The following RORA variants were observed in gnomAD, a reference collection of about 807,000 sequenced individuals.
RORA encodes the protein nuclear receptor ROR-alpha.
Under a neutral mutation model 69.5 loss-of-function variants are expected in RORA, and 7 were observed. That is an observed-to-expected ratio of 0.10 (90% CI 0.06 to 0.19). RORA has a LOEUF of 0.19. RORA is among the 10% of genes least tolerant of loss of function. The pLI, the probability that RORA is intolerant of heterozygous loss-of-function variation, is 1.00. For synonymous variants in RORA, 261 were observed against 240.8 expected (o/e 1.08, Z -0.78); for missense variants, 457 against 663.0 (o/e 0.69, Z 3.41).
chr15:61,159,410 C>T (rs916574922), intron 1 of RORA, among the ~76,000 whole-genome samples: 37 of 152,128 alleles, frequency 2.4e-4, no homozygotes, highest in African/African-American at 8.2e-4. Flanking sequence ...GCTTGTCACC[C>T]ACAGCTAATC....
At chr15:60,858,106 G>C (rs974743760) in intron 1 of RORA, among the ~76,000 whole-genome samples, 12 of 152,224 alleles carry the variant, frequency 7.9e-5, no homozygotes, top group African/African-American at 2.9e-4. Flanking sequence ...GGTTATTGCA[G>C]GGCCTGTTGC....
intron 1 of RORA, among the ~76,000 whole-genome samples, chr15:60,877,979 C>T (rs2140443207): frequency 6.6e-6 from 1 of 152,042 alleles, no homozygotes; most frequent in Non-Finnish European, 1.5e-5. Flanking sequence ...ATTATACAAA[C>T]TATCCCACTG....
In RORA at chr15:60,939,780, T is replaced by G. The variant is rs189174601; in HGVS notation, c.167-261094A>C. On this transcript the variant is annotated intron_variant, in intron 1 of 10. Transcript: ENST00000335670. Reference sequence around the variant, plus strand: ...CTGTGCTAGCCCTGTACCCCTGCAATGTTTATGCACGGGACAGTGCCGTTC... The same window carrying G: ...CTGTGCTAGCCCTGTACCCCTGCAAGGTTTATGCACGGGACAGTGCCGTTC... 1.1e-3 allele frequency among the ~76,000 whole-genome samples: 171 copies of G among 152,364 alleles called. 2 individuals are homozygous for G. Among genetic ancestry groups the G allele is most frequent in the African/African-American group, 4.0e-3 (165 of 41,580 alleles).
chr15:60,571,246 G>T (rs193181272), intron 2 of RORA, among the ~76,000 whole-genome samples: 100 of 152,072 alleles, frequency 6.6e-4, no homozygotes, highest in African/African-American at 2.4e-3. Context: ...TCAGCATGAA[G>T]GGACACTGTT....
Position 61,061,966 on chromosome 15 carries a change from G to A in RORA, c.166+167087C>T, listed in dbSNP as rs984012028. On this transcript the variant is annotated intron_variant, in intron 1 of 10. Transcript: ENST00000335670. The surrounding 1 kb of genome is among the most constrained non-coding windows in gnomAD (Gnocchi z 4.4). ...TAATGCCAGCTACTTGGGAGGCTGA[G>A]GCAGGAGAATCCCTTGAACCTAGGA... Among the ~76,000 whole-genome samples, 4 of 152,174 alleles carry A rather than the reference G, an allele frequency of 2.6e-5. No homozygotes were observed. Among genetic ancestry groups the A allele is most frequent in the African/African-American group, 9.7e-5 (4 of 41,440 alleles).
chr15:60,639,317 A>T (rs555476313), intron 2 of RORA, among the ~76,000 whole-genome samples: 102 of 150,354 alleles, frequency 6.8e-4, no homozygotes, highest in Admixed American at 1.4e-3. Context: ...GAGATAGTCC[A>T]TTTCCCCCTT....
At chr15:61,125,999 T>G (rs2079139519) in intron 1 of RORA, among the ~76,000 whole-genome samples, 1 of 152,236 alleles carries the variant, frequency 6.6e-6, no homozygotes, top group South Asian at 2.1e-4. Context: ...TGTTGTGATC[T>G]TTTTGAAATC....
chr15:60,926,112 G>A (rs1892210276), intron 1 of RORA, among the ~76,000 whole-genome samples: 1 of 152,174 alleles, frequency 6.6e-6, no homozygotes, highest in Non-Finnish European at 1.5e-5. Flanking sequence ...ATCAGGGCCT[G>A]GAGATGGTAA....
Position 60,492,816 on chromosome 15 carries a change from C to T in RORA, c.*4639G>A, listed in dbSNP as rs2065067863. 1 of 152,102 alleles carries T rather than the reference C, an allele frequency of 6.6e-6. No homozygotes were observed. The highest frequency in any genetic ancestry group is 1.5e-5 in the Non-Finnish European group (1 of 67,998). 9.4% of individuals were successfully genotyped at this position (152,102 alleles called of 1,614,324 possible). A position where few individuals can be genotyped will look rare whatever the true frequency, so the allele number is the denominator to read the frequency against. On this transcript the variant is annotated 3_prime_UTR_variant, in exon 11 of 11. Coordinates refer to ENST00000335670, the MANE Select transcript of RORA (RefSeq NM_134261.3). ...TGAAACACAAGACTGACGAGCACAT[C>T]AAGTTCTAAACTCAACAAAATGAGA...
intron 2 of RORA, among the ~76,000 whole-genome samples, chr15:60,577,704 T>C (rs1250626337): frequency 6.6e-6 from 1 of 151,708 alleles, no homozygotes; most frequent in African/African-American, 2.4e-5. Flanking sequence ...ACATCAGTCA[T>C]TGCCATATTA....
chr15:61,169,319 T>C (rs1158081418), intron 1 of RORA, among the ~76,000 whole-genome samples: 2 of 151,674 alleles, frequency 1.3e-5, no homozygotes, highest in Non-Finnish European at 2.9e-5. Flanking sequence ...TGGCTTGACG[T>C]TGATGCTAAA....
chr15:60,515,927 T>A lies in RORA; in HGVS notation c.283-1170A>T, dbSNP rs1306753692. Among the ~76,000 whole-genome samples, 4 of 47,802 alleles carry A rather than the reference T, an allele frequency of 8.4e-5. 1 individual carries two copies. The highest frequency in any genetic ancestry group is 5.1e-4 in the African/African-American group (4 of 7,780). 31.4% of individuals were successfully genotyped at this position (47,802 alleles called of 152,430 possible). A position where few individuals can be genotyped will look rare whatever the true frequency, so the allele number is the denominator to read the frequency against. ...ATATATATTGTATTTATATATATAT[T>A]TATATATATATTTATATATATTTAT... On this transcript the variant is annotated intron_variant, in intron 3 of 10. Transcript: ENST00000335670.
At chr15:61,204,407 A>G (rs1053544029) in intron 1 of RORA, among the ~76,000 whole-genome samples, 2 of 152,240 alleles carry the variant, frequency 1.3e-5, no homozygotes, top group African/African-American at 4.8e-5. Flanking sequence ...AGAGCAGATA[A>G]ATCAACACAG....
intron 2 of RORA, among the ~76,000 whole-genome samples, chr15:60,629,938 C>T (rs1211220598): frequency 6.6e-6 from 1 of 152,164 alleles, no homozygotes; most frequent in African/African-American, 2.4e-5. Flanking sequence ...AAGGGTGGAA[C>T]CCAGCCTAAC....
chr15:61,095,065 T>C (rs2078768239), intron 1 of RORA, among the ~76,000 whole-genome samples: 1 of 152,212 alleles, frequency 6.6e-6, no homozygotes, highest in Admixed American at 6.5e-5. Flanking sequence ...GGTTACTGGA[T>C]GAATCAGAGA....
intron 1 of RORA, among the ~76,000 whole-genome samples, chr15:60,799,400 T>C (rs971137460): frequency 6.6e-6 from 1 of 152,110 alleles, no homozygotes; most frequent in Non-Finnish European, 1.5e-5. Context: ...TTTTTATGGC[T>C]AGCCTGAAAC....
chr15:60,810,246 C>T (rs989795576), intron 1 of RORA, among the ~76,000 whole-genome samples: 1 of 152,200 alleles, frequency 6.6e-6, no homozygotes, highest in African/African-American at 2.4e-5. Context: ...GAGAATTCTA[C>T]ACTGGAAACA....
intron 2 of RORA, among the ~76,000 whole-genome samples, chr15:60,609,838 A>G (rs886829191): frequency 6.6e-6 from 1 of 152,170 alleles, no homozygotes; most frequent in Admixed American, 6.5e-5. Flanking sequence ...AGAAGGCTGA[A>G]TGGCTGGACT....
chr15:61,151,169 G>T (rs967671572), intron 1 of RORA, among the ~76,000 whole-genome samples: 2 of 152,132 alleles, frequency 1.3e-5, no homozygotes, highest in Non-Finnish European at 2.9e-5. Flanking sequence ...TAGTACATGA[G>T]ATGAAAGCTT....
Sources: allele counts gnomAD v4.1 joint callset (sites outside exome capture counted in the v4.1 genomes callset), GRCh38; gene constraint gnomAD v4.1.1; non-coding constraint Gnocchi (gnomAD v3.1); transcripts MANE v1.5; gene names NCBI Gene and HGNC (gene_info 2026-07-23, HGNC 2026-07-21).